The following NEGR1 variants were observed in gnomAD, a reference collection of about 807,000 sequenced individuals.
NEGR1 encodes the protein IgLON family member 4.
Under a neutral mutation model 40.9 loss-of-function variants are expected in NEGR1, and 10 were observed. The observed-to-expected ratio is 0.24, with a 90% CI of 0.15 to 0.42. The LOEUF (loss-of-function observed/expected upper bound fraction) is 0.42. Among genes scored for constraint, NEGR1 ranks in the 10% least tolerant of loss-of-function variants. The pLI is 1.00. For missense variants in NEGR1, 352 were observed against 438.9 expected (o/e 0.80, Z 1.77); for synonymous variants, 185 against 166.8 (o/e 1.11, Z -0.84).
intron 2 of NEGR1, among the ~76,000 whole-genome samples, chr1:71,901,433 T>C (rs886106027): frequency 6.6e-6 from 1 of 152,160 alleles, no homozygotes; most frequent in Admixed American, 6.5e-5. Flanking sequence ...GGCTATTTTG[T>C]ATATTGCTGA....
chr1:71,673,704 T>G (rs1652515223), intron 4 of NEGR1, among the ~76,000 whole-genome samples: 1 of 152,174 alleles, frequency 6.6e-6, no homozygotes, highest in African/African-American at 2.4e-5. Context: ...ATGGGCATGT[T>G]ACATTTAACT....
At chr1:72,224,372 A>C (rs956720341) in intron 1 of NEGR1, among the ~76,000 whole-genome samples, 2 of 151,986 alleles carry the variant, frequency 1.3e-5, no homozygotes, top group Admixed American at 6.6e-5. Context: ...GGAGATAGGA[A>C]AGTGAAGGAT....
chr1:71,598,519 G>A (rs1482334399), intron 5 of NEGR1, among the ~76,000 whole-genome samples: 2 of 152,174 alleles, frequency 1.3e-5, no homozygotes, highest in Admixed American at 1.3e-4. Context: ...AGCCTTCCAG[G>A]CTTCTTGTAG....
chr1:71,618,655 A>C (rs1256806340), intron 4 of NEGR1, among the ~76,000 whole-genome samples: 1 of 152,096 alleles, frequency 6.6e-6, no homozygotes, highest in Non-Finnish European at 1.5e-5. Context: ...TATATGTTAC[A>C]ATATAATAAT....
chr1:72,252,753 T>C (rs532473613), intron 1 of NEGR1, among the ~76,000 whole-genome samples: 1 of 152,204 alleles, frequency 6.6e-6, no homozygotes, highest in Non-Finnish European at 1.5e-5. Context: ...TTAGGACCCA[T>C]GTCCATTTGG....
At chr1:71,975,308 T>G (rs970202977) in intron 1 of NEGR1, among the ~76,000 whole-genome samples, 2 of 152,178 alleles carry the variant, frequency 1.3e-5, no homozygotes, top group African/African-American at 4.8e-5. Flanking sequence ...TGACTTCTTA[T>G]ATTTATTTCC....
chr1:71,433,725 A>T (rs1193082640), intron 6 of NEGR1, among the ~76,000 whole-genome samples: 1 of 152,232 alleles, frequency 6.6e-6, no homozygotes, highest in Non-Finnish European at 1.5e-5. Context: ...ACACATGGGA[A>T]TTATGGGAGT....
At chr1:72,058,681 T>C (rs886291827) in intron 1 of NEGR1, among the ~76,000 whole-genome samples, 25 of 151,690 alleles carry the variant, frequency 1.6e-4, no homozygotes, top group Non-Finnish European at 3.4e-4. Flanking sequence ...ATGTTTCATT[T>C]ATGCAAGGTA....
intron 1 of NEGR1, among the ~76,000 whole-genome samples, chr1:72,154,408 A>G (rs575532797): frequency 6.6e-6 from 1 of 152,114 alleles, no homozygotes; most frequent in East Asian, 1.9e-4. Flanking sequence ...CTTCCAAAAT[A>G]AATTTCTGTT....
chr1:71,536,043 A>T (rs1647499024), intron 6 of NEGR1, among the ~76,000 whole-genome samples: 1 of 151,688 alleles, frequency 6.6e-6, no homozygotes, highest in Non-Finnish European at 1.5e-5. Flanking sequence ...TTTGCATATG[A>T]AACAATGAAG....
intron 4 of NEGR1, among the ~76,000 whole-genome samples, chr1:71,672,017 A>G (rs1652454560): frequency 6.6e-6 from 1 of 151,296 alleles, no homozygotes; most frequent in African/African-American, 2.4e-5. Flanking sequence ...TACAGGTGTG[A>G]GCCTTCACAC....
chr1:71,630,917 T>C (rs1650950427), intron 4 of NEGR1, among the ~76,000 whole-genome samples: 1 of 151,944 alleles, frequency 6.6e-6, no homozygotes, highest in Admixed American at 6.6e-5. Flanking sequence ...AATTACTCAT[T>C]ATAATTCTAA....
intron 3 of NEGR1, among the ~76,000 whole-genome samples, chr1:71,754,249 CG>C (rs1486254623): frequency 3.9e-5 from 6 of 152,014 alleles, no homozygotes; most frequent in African/African-American, 1.4e-4. Context: ...TCAAACAGAG[CG>C]CCTCACTGAA....
intron 6 of NEGR1, among the ~76,000 whole-genome samples, chr1:71,587,434 G>C (rs1163079594): frequency 7.1e-6 from 1 of 140,228 alleles, no homozygotes; most frequent in East Asian, 2.1e-4. Context: ...CATTAAACAG[G>C]CTGGGAAGAA....
At chr1:71,639,794 C>T (rs1274027362) in intron 4 of NEGR1, among the ~76,000 whole-genome samples, 6 of 151,966 alleles carry the variant, frequency 3.9e-5, no homozygotes, top group African/African-American at 1.2e-4. Context: ...ACGTACATTT[C>T]ATCCAGAGTG....
At chr1:71,521,390 T>C (rs905846367) in intron 6 of NEGR1, among the ~76,000 whole-genome samples, 5 of 151,966 alleles carry the variant, frequency 3.3e-5, no homozygotes, top group African/African-American at 1.2e-4. Flanking sequence ...ATGTTACCAG[T>C]GGAATGAGAT....
intron 1 of NEGR1, among the ~76,000 whole-genome samples, chr1:71,944,220 G>C (rs1241126361): frequency 6.6e-6 from 1 of 152,164 alleles, no homozygotes; most frequent in African/African-American, 2.4e-5. Flanking sequence ...GCTTCCTGGA[G>C]AAGTTGGACT....
intron 5 of NEGR1, among the ~76,000 whole-genome samples, chr1:71,595,050 C>T (rs1215991693): frequency 2.6e-5 from 4 of 152,218 alleles, no homozygotes; most frequent in African/African-American, 9.6e-5. Flanking sequence ...TTCCTTATGG[C>T]TGTCTTTCTG....
Position 71,403,850 on chromosome 1 carries a change from TTAAAG to T in NEGR1, c.*3591_*3595del, listed in dbSNP as rs1324193092. The T allele has an allele frequency of 3.1e-5, 12 of 382,310 alleles. No homozygotes were observed. The highest frequency in any genetic ancestry group is 4.5e-5 in the Admixed American group (1 of 22,082). 23.7% of individuals were successfully genotyped at this position (382,310 alleles called of 1,614,324 possible). The stretch of plus-strand genomic sequence containing the variant: ...AGACAGGAAGAGCTTTTTCCAGTCT[TTAAAG>T]TAAATACATATTCAAAGAATCTTAA... On this transcript the variant is annotated 3_prime_UTR_variant, in exon 7 of 7. Transcript: ENST00000357731.
Sources: allele counts gnomAD v4.1 joint callset (sites outside exome capture counted in the v4.1 genomes callset), GRCh38; gene constraint gnomAD v4.1.1; transcripts MANE v1.5; gene names NCBI Gene and HGNC (gene_info 2026-07-23, HGNC 2026-07-21).